The following TSNARE1 variants were observed in gnomAD, a reference collection of about 807,000 sequenced individuals.
The protein encoded by TSNARE1 is t-SNARE domain-containing protein 1.
TSNARE1 carries 49 observed loss-of-function variants against 62.0 expected under a neutral mutation model. That is an observed-to-expected ratio of 0.79 (90% CI 0.63 to 1.00). The LOEUF (loss-of-function observed/expected upper bound fraction) is 1.00, where lower values mean the gene tolerates loss of function less well. Among genes scored for constraint, TSNARE1 ranks in the 50% least tolerant of loss-of-function variants. The pLI, the probability that TSNARE1 is intolerant of heterozygous loss-of-function variation, is 0.00. For missense variants in TSNARE1, 755 were observed against 700.1 expected, an observed-to-expected ratio of 1.08 and a Z score of -0.88; for synonymous variants, 328 against 294.4, an observed-to-expected ratio of 1.11 and a Z score of -1.17.
At chr8:142,298,287 CCA>C (rs1227453340) in intron 10 of TSNARE1, among the ~76,000 whole-genome samples, 5 of 152,240 alleles carry the variant, frequency 3.3e-5, no homozygotes, top group African/African-American at 1.2e-4. Context: ...CCCACACTCA[CCA>C]CACAGAGTGC....
Position 142,274,166 on chromosome 8 carries a change from A to T in TSNARE1, c.1446+615T>A, listed in dbSNP as rs1820036670. The stretch of plus-strand genomic sequence containing the variant: ...TCTCTGCCCGTCAGGGCCAGTGGGG[A>T]GCACCAGGCCACAATGGGGACAGAG... On this transcript the variant is annotated intron_variant, in intron 12 of 13. Transcript: ENST00000524325. The T allele has an allele frequency of 7.1e-6, 7 of 985,268 alleles. No individual in the cohort carries two copies. In the South Asian group the frequency reaches 3.3e-4, roughly 46 times the overall value. 61.0% of individuals were successfully genotyped at this position (985,268 alleles called of 1,614,324 possible). A position where few individuals can be genotyped will look rare whatever the true frequency, so the allele number is the denominator to read the frequency against.
At chr8:142,273,233 G>A (rs537445719) in intron 12 of TSNARE1, 262 of 985,318 alleles carry the variant, frequency 2.7e-4, no homozygotes, top group Non-Finnish European at 2.9e-4. Flanking sequence ...TCCTCCTGCC[G>A]TCCCAGGCAT....
chr8:142,219,359 C>T lies in TSNARE1; in HGVS notation c.*12-7046G>A, dbSNP rs372303069. Among the ~76,000 whole-genome samples, 12 of 152,266 alleles carry T rather than the reference C, an allele frequency of 7.9e-5. No individual in the cohort carries two copies. The East Asian group carries it at 1.7e-3, about 22-fold the overall frequency. Reference sequence around the variant, plus strand: ...AGGAGGAAGGGAGAGGAGTGGGGGCCTTGTTTTCACTACCACCCCCAGGCA... The same window carrying T: ...AGGAGGAAGGGAGAGGAGTGGGGGCTTTGTTTTCACTACCACCCCCAGGCA... On this transcript the variant is annotated intron_variant, in intron 13 of 13. Transcript: ENST00000524325.
At chr8:142,400,263 G>A (rs776115053) in intron 1 of TSNARE1, among the ~76,000 whole-genome samples, 2 of 151,974 alleles carry the variant, frequency 1.3e-5, no homozygotes, top group Admixed American at 6.6e-5. Context: ...TAGCCAACAT[G>A]GTGAAACCCC....
At chr8:142,390,510 T>G (rs796927282) in intron 1 of TSNARE1, among the ~76,000 whole-genome samples, 86 of 43,960 alleles carry the variant, frequency 2.0e-3, no homozygotes, top group African/African-American at 2.3e-3. Context: ...TGTACACTGC[T>G]GGGGACTCTG....
chr8:142,225,027 G>A (rs1816708436), intron 13 of TSNARE1, among the ~76,000 whole-genome samples: 1 of 152,116 alleles, frequency 6.6e-6, no homozygotes, highest in African/African-American at 2.4e-5. Context: ...AGGCGTGGCT[G>A]CAGGCCTGTT....
At chr8:142,290,356 T>G (rs892780193) in intron 10 of TSNARE1, among the ~76,000 whole-genome samples, 1 of 152,042 alleles carries the variant, frequency 6.6e-6, no homozygotes, top group African/African-American at 2.4e-5. Flanking sequence ...GACCCAGAAC[T>G]TAGTAGATGG....
At position 142,354,699 on chromosome 8, in the gene TSNARE1, C is replaced by G. The variant is rs78297359; in HGVS notation, c.26G>C (p.Gly9Ala). 3.2e-3 allele frequency: 5,199 copies of G among 1,613,462 alleles called. 251 individuals are homozygous for G. The East Asian group carries it at 0.1, about 32-fold the overall frequency. MSYGSIAR[G>A]GGLGSRGPFG... is the part of the protein sequence containing the mutation. ...AGGGCCACGGCTCCCCAGGCCACCTCCACGGGCGATGGATCCGTATGACAT... is the reference window on the plus strand; with the variant it reads ...AGGGCCACGGCTCCCCAGGCCACCTGCACGGGCGATGGATCCGTATGACAT... Residue 9 changes from glycine (G) to alanine (A), a missense_variant, in exon 2 of 14, where the codon GGA becomes GCA. Coordinates refer to ENST00000524325, the MANE Select transcript of TSNARE1 (RefSeq NM_145003.5).
intron 4 of TSNARE1, 32 bp downstream of exon 4, chr8:142,343,934 C>A: frequency 6.7e-7 from 1 of 1,497,664 alleles, no homozygotes; most frequent in Non-Finnish European, 8.9e-7. Flanking sequence ...CAGAGTGGCA[C>A]CCTAGCAAGG....
intron 12 of TSNARE1, among the ~76,000 whole-genome samples, chr8:142,235,093 C>T (rs561782428): frequency 2.6e-5 from 4 of 152,288 alleles, no homozygotes; most frequent in Admixed American, 1.3e-4. Flanking sequence ...GGCAGGCATT[C>T]GGGCACAGAC....
chr8:142,313,441 A>C (rs1315312792), intron 9 of TSNARE1, among the ~76,000 whole-genome samples: 1 of 141,026 alleles, frequency 7.1e-6, no homozygotes, highest in African/African-American at 2.7e-5. Flanking sequence ...TGTTGTCTAC[A>C]TGTCTGTTTA....
At chr8:142,214,775 C>A (rs1234187421) in intron 13 of TSNARE1, among the ~76,000 whole-genome samples, 1 of 152,164 alleles carries the variant, frequency 6.6e-6, no homozygotes, top group Non-Finnish European at 1.5e-5. Flanking sequence ...CCCAAGAGCT[C>A]CCGCCCTCCC....
In TSNARE1 at chr8:142,281,094, A is replaced by G. The variant is rs1287585485; in HGVS notation, c.1363+3319T>C. On this transcript the variant is annotated intron_variant, in intron 11 of 13. Coordinates refer to ENST00000524325, the MANE Select transcript of TSNARE1 (RefSeq NM_145003.5). ...ACTGCCAGTTGTCAGAGCAGGAGGG[A>G]CCAGGAGGCTGTTCTCGGCACAGGC... Among the ~76,000 whole-genome samples the G allele has an allele frequency of 2.6e-5, 4 of 152,160 alleles. No homozygotes were observed. In the East Asian group the frequency reaches 7.7e-4, roughly 29 times the overall value.
intron 11 of TSNARE1, chr8:142,277,122 T>G: frequency 1.0e-6 from 1 of 985,342 alleles, no homozygotes; most frequent in East Asian, 1.1e-4. Context: ...TGTCAGGTCT[T>G]GGAGGCCCCC....
At chr8:142,339,225 A>T (rs1832190058) in intron 4 of TSNARE1, among the ~76,000 whole-genome samples, 1 of 152,082 alleles carries the variant, frequency 6.6e-6, no homozygotes, top group Admixed American at 6.5e-5. Context: ...AAGGCTGATG[A>T]TCACTTCCCC....
At chr8:142,366,004 A>G in intron 1 of TSNARE1, 1 of 412,056 alleles carries the variant, frequency 2.4e-6, no homozygotes, top group Non-Finnish European at 4.7e-6. Flanking sequence ...TGTGCCAAAA[A>G]TTGTCCCAGG....
intron 11 of TSNARE1, among the ~76,000 whole-genome samples, chr8:142,283,447 A>T (rs572586472): frequency 7.5e-6 from 1 of 133,482 alleles, no homozygotes; most frequent in East Asian, 2.6e-4. Context: ...CAACGAGCAG[A>T]GGCAGGGACA....
At chr8:142,298,772 C>T (rs1490872286) in intron 10 of TSNARE1, among the ~76,000 whole-genome samples, 1 of 152,204 alleles carries the variant, frequency 6.6e-6, no homozygotes, top group Admixed American at 6.5e-5. Flanking sequence ...GGGGCTGTGA[C>T]TGGACCTTCC....
At chr8:142,325,682 G>A (rs540693481) in intron 6 of TSNARE1, among the ~76,000 whole-genome samples, 3 of 152,318 alleles carry the variant, frequency 2.0e-5, no homozygotes, top group South Asian at 2.1e-4. Context: ...AGGGCTGGAG[G>A]GACACCTGGG....
Sources: allele counts gnomAD v4.1 joint callset (sites outside exome capture counted in the v4.1 genomes callset), GRCh38; gene constraint gnomAD v4.1.1; transcripts MANE v1.5; gene names NCBI Gene and HGNC (gene_info 2026-07-23, HGNC 2026-07-21).